TTC27: variants seen among roughly 807,000 people sequenced by gnomAD.
TTC27 encodes the protein tetratricopeptide repeat protein 27.
TTC27 carries 79 observed loss-of-function variants against 115.9 expected under a neutral mutation model. The ratio of observed to expected loss-of-function variants is 0.68; its 90% confidence interval spans 0.57 to 0.82. The LOEUF (loss-of-function observed/expected upper bound fraction) is 0.82. Ranked by LOEUF, TTC27 falls within the 40% of genes least tolerant of loss-of-function variation. The probability of loss-of-function intolerance (pLI) is 0.00; values close to 1 mark genes in which losing one functional copy is unlikely to be tolerated. For missense variants in TTC27, 1,054 were observed against 993.1 expected (o/e 1.06, Z -0.82); for synonymous variants, 401 against 356.0 (o/e 1.13, Z -1.42).
chr2:32,817,106 A>G (rs1329716655), intron 18 of TTC27, among the ~76,000 whole-genome samples: 10 of 152,132 alleles, frequency 6.6e-5, no homozygotes, highest in Non-Finnish European at 1.3e-4. Flanking sequence ...TTAAAGAAGG[A>G]TAGAGAAAGG....
chr2:32,712,906 G>T (rs1332047339), intron 10 of TTC27, among the ~76,000 whole-genome samples: 2 of 151,988 alleles, frequency 1.3e-5, no homozygotes, highest in Non-Finnish European at 2.9e-5. Flanking sequence ...TATATGCTGT[G>T]GTTTATGTGC....
intron 18 of TTC27, among the ~76,000 whole-genome samples, chr2:32,816,861 TG>T (rs1671516704): frequency 6.6e-6 from 1 of 152,200 alleles, no homozygotes. Context: ...ATTGGGGACT[TG>T]GTAGCATGGA....
chr2:32,692,132 C>T lies in TTC27; in HGVS notation c.1120-10675C>T, dbSNP rs1353215527. Among the ~76,000 whole-genome samples the T allele has an allele frequency of 8.2e-5, 11 of 133,730 alleles. No homozygotes were observed. The East Asian group carries it at 2.2e-3, about 27-fold the overall frequency. 87.7% of individuals were successfully genotyped at this position (133,730 alleles called of 152,430 possible). On this transcript the variant is annotated intron_variant, in intron 9 of 19. Transcript: ENST00000317907. ...CTGGGCTCAAGTGTTCTGCCCATCT[C>T]GGCCTCCCAAAGTGCTGGGATTATA... is the stretch of plus-strand genomic sequence containing the variant.
At chr2:32,742,694 G>A (rs17012168) in intron 12 of TTC27, among the ~76,000 whole-genome samples, 6,654 of 152,292 alleles carry the variant, frequency 0.044, 190 homozygotes, top group East Asian at 0.094. Flanking sequence ...GTGCTTTGGA[G>A]TTCTGTCAGC....
intron 5 of TTC27, among the ~76,000 whole-genome samples, chr2:32,654,563 C>T (rs1316873540): frequency 6.6e-6 from 1 of 152,030 alleles, no homozygotes; most frequent in Non-Finnish European, 1.5e-5. Flanking sequence ...CAGGGTCTTG[C>T]TCTGTCATCC....
rs983515824 is a variant in TTC27, at chr2:32,795,671, G to A, written c.1998+8522G>A. On this transcript the variant is annotated intron_variant, in intron 16 of 19. Coordinates refer to ENST00000317907, the MANE Select transcript of TTC27 (RefSeq NM_017735.5). ...AGGCTCAAGTAATTCTCCTGTGTTA[G>A]CCTCCCAAGTAGCTGGGACTACAGG... Among the ~76,000 whole-genome samples, 4 of 150,426 alleles carry A rather than the reference G, an allele frequency of 2.7e-5. No homozygotes were observed. In the Admixed American group the frequency reaches 2.7e-4, roughly 10 times the overall value.
At chr2:32,805,561 T>A (rs569971984) in intron 16 of TTC27, among the ~76,000 whole-genome samples, 12 of 152,246 alleles carry the variant, frequency 7.9e-5, no homozygotes, top group African/African-American at 2.9e-4. Context: ...ACAAAGCGAG[T>A]GCTCACAGCA....
At chr2:32,645,887 T>G (rs1404611462) in intron 4 of TTC27, among the ~76,000 whole-genome samples, 3 of 151,504 alleles carry the variant, frequency 2.0e-5, no homozygotes, top group Admixed American at 1.3e-4. Flanking sequence ...CGGCTAATTT[T>G]TTTTGTATTT....
intron 18 of TTC27, among the ~76,000 whole-genome samples, chr2:32,815,534 A>G (rs1298008718): frequency 1.3e-5 from 2 of 152,052 alleles, no homozygotes; most frequent in African/African-American, 2.4e-5. Context: ...TGAAACAGCA[A>G]GTTATTTCTC....
intron 5 of TTC27, among the ~76,000 whole-genome samples, chr2:32,654,350 G>A (rs951562772): frequency 6.6e-6 from 1 of 152,014 alleles, no homozygotes; most frequent in Admixed American, 6.6e-5. Flanking sequence ...CAACTATGAG[G>A]TAGAGCCAAA....
chr2:32,751,441 G>A (rs1669011968), intron 12 of TTC27, among the ~76,000 whole-genome samples: 1 of 152,084 alleles, frequency 6.6e-6, no homozygotes, highest in South Asian at 2.1e-4. Context: ...TTTTACTGTA[G>A]TAGCACTTAG....
chr2:32,806,260 G>T (rs1671125314), intron 16 of TTC27, among the ~76,000 whole-genome samples: 1 of 152,232 alleles, frequency 6.6e-6, no homozygotes, highest in South Asian at 2.1e-4. Flanking sequence ...AGGCAAAGGG[G>T]TATAGTGCTG....
intron 4 of TTC27, among the ~76,000 whole-genome samples, chr2:32,646,582 C>T (rs1239109923): frequency 9.1e-6 from 1 of 110,104 alleles, no homozygotes; most frequent in Non-Finnish European, 1.8e-5. Flanking sequence ...TTTTTGGAGA[C>T]CGACTCTCAC....
At chr2:32,739,045 A>G (rs1668540344) in intron 12 of TTC27, among the ~76,000 whole-genome samples, 1 of 152,216 alleles carries the variant, frequency 6.6e-6, no homozygotes, top group Non-Finnish European at 1.5e-5. Context: ...AACTGATAGC[A>G]TCTCAAATTT....
At chr2:32,706,910 A>C (rs1301251253) in intron 10 of TTC27, among the ~76,000 whole-genome samples, 1 of 152,198 alleles carries the variant, frequency 6.6e-6, no homozygotes, top group Non-Finnish European at 1.5e-5. Flanking sequence ...ATCCAGGCAC[A>C]TGACTTCCTG....
chr2:32,754,115 T>A (rs115929084), intron 12 of TTC27, among the ~76,000 whole-genome samples: 2,629 of 151,456 alleles, frequency 0.017, 63 homozygotes, highest in African/African-American at 0.061. Flanking sequence ...AATAAAAAAT[T>A]AAAGAACTAA....
At chr2:32,718,430 G>A (rs114871579) in intron 10 of TTC27, among the ~76,000 whole-genome samples, 356 of 152,032 alleles carry the variant, frequency 2.3e-3, no homozygotes, top group African/African-American at 8.0e-3. Context: ...CAGTAAATCT[G>A]TATTTTTCTG....
chr2:32,731,275 C>G (rs1179308457), intron 10 of TTC27, among the ~76,000 whole-genome samples: 3 of 151,716 alleles, frequency 2.0e-5, no homozygotes, highest in Non-Finnish European at 4.4e-5. Context: ...TTTTAGTAGA[C>G]ACGGGGTTTC....
chr2:32,647,369 A>G (rs551701681), intron 4 of TTC27, among the ~76,000 whole-genome samples: 3 of 152,342 alleles, frequency 2.0e-5, no homozygotes, highest in African/African-American at 7.2e-5. Context: ...TAAGGGACAG[A>G]TAATTGAGAT....
Sources: allele counts gnomAD v4.1 joint callset (sites outside exome capture counted in the v4.1 genomes callset), GRCh38; gene constraint gnomAD v4.1.1; transcripts MANE v1.5; gene names NCBI Gene and HGNC (gene_info 2026-07-23, HGNC 2026-07-21).